The following MOCS3 variants were observed in gnomAD, a reference collection of about 807,000 sequenced individuals.
The protein encoded by MOCS3 is molybdenum cofactor synthesis 3, also known as adenylyltransferase and sulfurtransferase MOCS3.
MOCS3 carries 9 observed loss-of-function variants against 8.4 expected under a neutral mutation model. That is an observed-to-expected ratio of 1.07 (90% CI 0.65 to 1.87). The LOEUF is 1.87. Among genes scored for constraint, MOCS3 ranks in the 40% most tolerant of loss-of-function variants. MOCS3 has a pLI of 0.00. For synonymous variants in MOCS3, 294 were observed against 272.0 expected, an observed-to-expected ratio of 1.08 and a Z score of -0.80; for missense variants, 581 against 599.7, an observed-to-expected ratio of 0.97 and a Z score of 0.33.
rs1987114323 is a variant in MOCS3 at position 50,962,110 on chromosome 20, C to G, written c.*1885C>G. On this transcript the variant is annotated 3_prime_UTR_variant, in exon 1 of 1. Coordinates refer to ENST00000244051, the MANE Select transcript of MOCS3 (RefSeq NM_014484.5). Reference sequence around the variant, plus strand: ...CTTTTGAGAATTTTGGGGACAGATTCAAGGCTGTACTTCTAGGAATGATGC... The same window carrying G: ...CTTTTGAGAATTTTGGGGACAGATTGAAGGCTGTACTTCTAGGAATGATGC... 1 of 152,164 alleles carries G rather than the reference C, an allele frequency of 6.6e-6. No homozygotes were observed. The highest frequency in any genetic ancestry group is 2.1e-4 in the South Asian group (1 of 4,828). 9.4% of individuals were successfully genotyped at this position (152,164 alleles called of 1,614,324 possible).
Position 50,958,866 on chromosome 20 carries a change from C to T in MOCS3, c.24C>T (p.Leu8=), listed in dbSNP as rs36031303. 1.3e-6 allele frequency: 2 copies of T among 1,595,926 alleles called. No homozygotes were observed. Among genetic ancestry groups the T allele is most frequent in the South Asian group, 1.1e-5 (1 of 90,584 alleles). Residue 8 remains leucine, a synonymous_variant, in exon 1 of 1, where the codon CTC becomes CTT. Transcript: ENST00000244051. MASREEV[L]ALQAEVAQRE... ...CCATGGCTTCCCGGGAGGAGGTACT[C>T]GCCTTACAAGCTGAAGTTGCCCAAC...
rs577671892 is a variant in MOCS3 at position 50,963,717 on chromosome 20, T to G, written c.*3492T>G. 1.3e-5 allele frequency: 2 copies of G among 152,304 alleles called. No individual in the cohort carries two copies. Among genetic ancestry groups the G allele is most frequent in the South Asian group, 4.1e-4 (2 of 4,832 alleles). 9.4% of individuals were successfully genotyped at this position (152,304 alleles called of 1,614,324 possible). ...TTGGTTTTTATTCTAAATACAATAA[T>G]AGCTAATATTTTGAGCACTTACTGT... On this transcript the variant is annotated 3_prime_UTR_variant, in exon 1 of 1. Transcript: ENST00000244051.
Position 50,959,995 on chromosome 20 carries a change from A to G in MOCS3, c.1153A>G (p.Ser385Gly). ...LKHLERRDAE[S>G]LKLLKEAIWE... ...ACATTTGGAACGCAGGGATGCGGAGAGCCTGAAACTCTTAAAAGAAGCAAT... is the reference window on the plus strand; with the variant it reads ...ACATTTGGAACGCAGGGATGCGGAGGGCCTGAAACTCTTAAAAGAAGCAAT... Residue 385 changes from serine to glycine, a missense_variant, in exon 1 of 1, where the codon AGC (serine) becomes GGC (glycine). Transcript: ENST00000244051. 1 of 1,614,254 alleles carries G rather than the reference A, an allele frequency of 6.2e-7. No individual in the cohort carries two copies. Among genetic ancestry groups the G allele is most frequent in the Non-Finnish European group, 8.5e-7 (1 of 1,180,044 alleles).
chr20:50,959,112 C>T lies in MOCS3; in HGVS notation c.270C>T (p.Cys90=), dbSNP rs1023982741. The change falls in exon 1 of 1, where the codon TGC becomes TGT. Residue 90 remains cysteine (C), a synonymous_variant. Coordinates refer to ENST00000244051, the MANE Select transcript of MOCS3 (RefSeq NM_014484.5). ...CCGCGTGCGTGCTAATCGTGGGCTG[C>T]GGTGGGCTCGGCTGTCCACTAGCGC... The part of the protein sequence containing the change: ...LGTACVLIVG[C]GGLGCPLAQY... 1 of 1,613,068 alleles carries T rather than the reference C, an allele frequency of 6.2e-7. No homozygotes were observed. The highest frequency in any genetic ancestry group is 2.2e-5 in the East Asian group (1 of 44,876).
At position 50,960,058 on chromosome 20, in the gene MOCS3, G is replaced by A. The variant is rs548242327; in HGVS notation, c.1216G>A (p.Val406Ile). The change falls in exon 1 of 1, where the codon GTC becomes ATC. Residue 406 changes from valine to isoleucine, a missense_variant. Physicochemically the swap from Val to Ile is conservative, Grantham distance 29. Transcript: ENST00000244051. ...GCAGGGCACACAAGAAGGGGCTGCT[G>A]TCCCCATTTATGTGATTTGCAAACT... ...EKQGTQEGAA[V>I]PIYVICKLGN... The A allele has an allele frequency of 6.2e-7, 1 of 1,614,252 alleles. No homozygotes were observed. The highest frequency in any genetic ancestry group is 2.2e-5 in the East Asian group (1 of 44,888).
chr20:50,963,448 T>C lies in MOCS3; in HGVS notation c.*3223T>C, dbSNP rs1428414680. 6.6e-6 allele frequency: 1 copy of C among 152,188 alleles called. No homozygotes were observed. Among genetic ancestry groups the C allele is most frequent in the African/African-American group, 2.4e-5 (1 of 41,444 alleles). The allele number at this position is 152,188 out of a possible 1,614,324, so 9.4% of individuals were successfully genotyped here. ...GGATCTGTTTTGAATAGCTTAATTA[T>C]GGAAGGCCTCAGAGATGACATTAAA... On this transcript the variant is annotated 3_prime_UTR_variant, in exon 1 of 1. Transcript: ENST00000244051.
rs150439864 is a variant in MOCS3 at position 50,960,083 on chromosome 20, T to G, written c.1241T>G (p.Leu414Arg). 6.2e-7 allele frequency: 1 copy of G among 1,614,240 alleles called. No individual in the cohort carries two copies. The highest frequency in any genetic ancestry group is 2.2e-5 in the East Asian group (1 of 44,886). The change falls in exon 1 of 1, where the codon CTG becomes CGG. Residue 414 changes from leucine to arginine, a missense_variant. Leu to Arg is a moderately radical substitution (Grantham distance 102, BLOSUM62 -2). Coordinates refer to ENST00000244051, the MANE Select transcript of MOCS3 (RefSeq NM_014484.5). ...GTCCCCATTTATGTGATTTGCAAACTGGGAAATGACTCACAGAAAGCCGTG... is the reference window on the plus strand; with the variant it reads ...GTCCCCATTTATGTGATTTGCAAACGGGGAAATGACTCACAGAAAGCCGTG... Reference protein sequence around the residue: ...AAVPIYVICKLGNDSQKAVKI... With the variant: ...AAVPIYVICKRGNDSQKAVKI...
In MOCS3 at chr20:50,961,892, T is replaced by C. The variant is rs1177442922; in HGVS notation, c.*1667T>C. 6.6e-6 allele frequency: 1 copy of C among 152,202 alleles called. No homozygotes were observed. Among genetic ancestry groups the C allele is most frequent in the African/African-American group, 2.4e-5 (1 of 41,450 alleles). 9.4% of individuals were successfully genotyped at this position (152,202 alleles called of 1,614,324 possible). A position where few individuals can be genotyped will look rare whatever the true frequency, so the allele number is the denominator to read the frequency against. On this transcript the variant is annotated 3_prime_UTR_variant, in exon 1 of 1. Transcript: ENST00000244051. ...GGCTGGCCTGTGTTTTTCATCTCCT[T>C]CTTCCAGGGACAACTGATTCTGATA...
rs112652998 is a variant in MOCS3, at chr20:50,960,888, C to G, written c.*663C>G. On this transcript the variant is annotated 3_prime_UTR_variant, in exon 1 of 1. Coordinates refer to ENST00000244051, the MANE Select transcript of MOCS3 (RefSeq NM_014484.5). Reference sequence around the variant, plus strand: ...CCTCCTGAGTAGCTGGGATTACAGGCGCACGCCACCACGCCTGGCTAATTT... The same window carrying G: ...CCTCCTGAGTAGCTGGGATTACAGGGGCACGCCACCACGCCTGGCTAATTT... 2 of 154,178 alleles carry G rather than the reference C, an allele frequency of 1.3e-5. 1 individual carries two copies. Among genetic ancestry groups the G allele is most frequent in the Non-Finnish European group, 2.9e-5 (2 of 68,090 alleles). The allele number at this position is 154,178 out of a possible 1,614,324, so 9.6% of individuals were successfully genotyped here.
At position 50,960,309 on chromosome 20, in the gene MOCS3, C is replaced by T. The variant is rs1987074821; in HGVS notation, c.*84C>T. 2 of 1,392,220 alleles carry T rather than the reference C, an allele frequency of 1.4e-6. No individual in the cohort carries two copies. The highest frequency in any genetic ancestry group is 4.8e-5 in the East Asian group (2 of 41,608). 86.2% of individuals were successfully genotyped at this position (1,392,220 alleles called of 1,614,324 possible). The stretch of plus-strand genomic sequence containing the variant: ...CTTGTTTGCATTTTTCGGTAATATA[C>T]ATAGGAGCTGGGGATTCTACAGTAT... On this transcript the variant is annotated 3_prime_UTR_variant, in exon 1 of 1. Coordinates refer to ENST00000244051, the MANE Select transcript of MOCS3 (RefSeq NM_014484.5).
In MOCS3 at chr20:50,961,113, C is replaced by T. The variant is rs1987095898; in HGVS notation, c.*888C>T. 1 of 167,094 alleles carries T rather than the reference C, an allele frequency of 6.0e-6. No homozygotes were observed. Among genetic ancestry groups the T allele is most frequent in the African/African-American group, 2.4e-5 (1 of 41,456 alleles). 10.4% of individuals were successfully genotyped at this position (167,094 alleles called of 1,614,324 possible). A position where few individuals can be genotyped will look rare whatever the true frequency, so the allele number is the denominator to read the frequency against. On this transcript the variant is annotated 3_prime_UTR_variant, in exon 1 of 1. Transcript: ENST00000244051. ...TGTCAGTGTCTCTTATAAATTGCTA[C>T]TGTTTTCTTAAAGTTAACTTCAGGG...
In MOCS3 at chr20:50,961,994, T is replaced by C. The variant is rs1353720646; in HGVS notation, c.*1769T>C. ...CTGAAGTCCTAAAGTTATAGACAGT[T>C]GTAGTTCCTATAAACCTGGTTGTCA... is the stretch of plus-strand genomic sequence containing the variant. On this transcript the variant is annotated 3_prime_UTR_variant, in exon 1 of 1. Coordinates refer to ENST00000244051, the MANE Select transcript of MOCS3 (RefSeq NM_014484.5). The C allele has an allele frequency of 1.3e-5, 2 of 152,218 alleles. No homozygotes were observed. Among genetic ancestry groups the C allele is most frequent in the Non-Finnish European group, 2.9e-5 (2 of 68,032 alleles). The allele number at this position is 152,218 out of a possible 1,614,324, so 9.4% of individuals were successfully genotyped here. A position where few individuals can be genotyped will look rare whatever the true frequency, so the allele number is the denominator to read the frequency against.
chr20:50,960,771 T>G lies in MOCS3; in HGVS notation c.*546T>G, dbSNP rs1046203882. ...TTTTTTTTTTTTTTTTGAGATGGAATCTCTCTCTGTTGCCCAGGCTGGAGT... is the reference window on the plus strand; with the variant it reads ...TTTTTTTTTTTTTTTTGAGATGGAAGCTCTCTCTGTTGCCCAGGCTGGAGT... On this transcript the variant is annotated 3_prime_UTR_variant, in exon 1 of 1. Transcript: ENST00000244051. The G allele has an allele frequency of 6.3e-6, 1 of 159,050 alleles. No individual in the cohort carries two copies. Among genetic ancestry groups the G allele is most frequent in the African/African-American group, 2.4e-5 (1 of 40,982 alleles). 9.9% of individuals were successfully genotyped at this position (159,050 alleles called of 1,614,324 possible). A position where few individuals can be genotyped will look rare whatever the true frequency, so the allele number is the denominator to read the frequency against.
Position 50,959,415 on chromosome 20 carries a change from C to G in MOCS3, c.573C>G (p.Asp191Glu). ...TGCCCACTCGCTACCTGGTTAATGA[C>G]GCATGTGTGCTGGCGGGTCGGCCCC... ...DNVPTRYLVN[D>E]ACVLAGRPLV... Residue 191 changes from aspartate to glutamate, a missense_variant, in exon 1 of 1, where the codon GAC becomes GAG. Transcript: ENST00000244051. 2 of 1,613,956 alleles carry G rather than the reference C, an allele frequency of 1.2e-6. No individual in the cohort carries two copies. Among genetic ancestry groups the G allele is most frequent in the Non-Finnish European group, 1.7e-6 (2 of 1,180,028 alleles).
rs1012994416 is a variant in MOCS3, at chr20:50,960,089, A to G, written c.1247A>G (p.Asn416Ser). ...ATTTATGTGATTTGCAAACTGGGAAATGACTCACAGAAAGCCGTGAAGATC... is the reference window on the plus strand; with the variant it reads ...ATTTATGTGATTTGCAAACTGGGAAGTGACTCACAGAAAGCCGTGAAGATC... Reference protein sequence around the residue: ...VPIYVICKLGNDSQKAVKILQ... With the variant: ...VPIYVICKLGSDSQKAVKILQ... The change falls in exon 1 of 1, where the codon AAT becomes AGT. Residue 416 changes from asparagine (N) to serine (S), a missense_variant. By Grantham distance (46) the Asn-to-Ser change is conservative. Coordinates refer to ENST00000244051, the MANE Select transcript of MOCS3 (RefSeq NM_014484.5). 5 of 1,614,166 alleles carry G rather than the reference A, an allele frequency of 3.1e-6. No homozygotes were observed. Among genetic ancestry groups the G allele is most frequent in the Non-Finnish European group, 4.2e-6 (5 of 1,180,066 alleles).
rs1312840109 is a variant in MOCS3, at chr20:50,963,653, G to A, written c.*3428G>A. The A allele has an allele frequency of 1.3e-5, 2 of 152,252 alleles. No individual in the cohort carries two copies. Among genetic ancestry groups the A allele is most frequent in the Non-Finnish European group, 2.9e-5 (2 of 68,038 alleles). 9.4% of individuals were successfully genotyped at this position (152,252 alleles called of 1,614,324 possible). On this transcript the variant is annotated 3_prime_UTR_variant, in exon 1 of 1. Coordinates refer to ENST00000244051, the MANE Select transcript of MOCS3 (RefSeq NM_014484.5). ...GAGAGTGGGACAGGGTGAGGTTTGA[G>A]AAGCAGGGAACATCATAAACTTTGT...
rs780139370 is a variant in MOCS3 at position 50,959,055 on chromosome 20, G to C, written c.213G>C (p.Glu71Asp). 3 of 1,613,050 alleles carry C rather than the reference G, an allele frequency of 1.9e-6. No homozygotes were observed. The South Asian group carries it at 3.3e-5, about 18-fold the overall frequency. Residue 71 changes from glutamate to aspartate, a missense_variant, in exon 1 of 1, where the codon GAG becomes GAC. Coordinates refer to ENST00000244051, the MANE Select transcript of MOCS3 (RefSeq NM_014484.5). The stretch of plus-strand genomic sequence containing the variant: ...ATAGCCGGCAGCTAGTGCTGCCCGA[G>C]CTGGGCGTGCACGGACAGCTGCGCC... ...LRYSRQLVLP[E>D]LGVHGQLRLG...
In MOCS3 at chr20:50,959,354, G is replaced by A. The variant is rs747860925; in HGVS notation, c.512G>A (p.Arg171His). 2.5e-6 allele frequency: 4 copies of A among 1,610,796 alleles called. No individual in the cohort carries two copies. The highest frequency in any genetic ancestry group is 2.7e-5 in the African/African-American group (2 of 74,888). ...LTPATALDLV[R>H]RYDVVADCSD... Reference sequence around the variant, plus strand: ...CCAGCCACTGCCCTAGACCTGGTCCGCCGATATGATGTGGTGGCTGACTGC... The same window carrying A: ...CCAGCCACTGCCCTAGACCTGGTCCACCGATATGATGTGGTGGCTGACTGC... The change falls in exon 1 of 1, where the codon CGC becomes CAC. Residue 171 changes from arginine (R) to histidine (H), a missense_variant. Physicochemically the swap from Arg to His is conservative, Grantham distance 29. Transcript: ENST00000244051.
At position 50,959,310 on chromosome 20, in the gene MOCS3, G is replaced by C. The variant is rs755214768; in HGVS notation, c.468G>C (p.Pro156=). 6.2e-7 allele frequency: 1 copy of C among 1,610,258 alleles called. No individual in the cohort carries two copies. Among genetic ancestry groups the C allele is most frequent in the Non-Finnish European group, 8.5e-7 (1 of 1,179,366 alleles). ...RRLNSAVECV[P]YTQALTPATA... Reference sequence around the variant, plus strand: ...TCAATTCGGCAGTGGAATGCGTGCCGTACACTCAGGCCCTTACGCCAGCCA... The same window carrying C: ...TCAATTCGGCAGTGGAATGCGTGCCCTACACTCAGGCCCTTACGCCAGCCA... The change falls in exon 1 of 1, where the codon CCG becomes CCC. Residue 156 remains proline, a synonymous_variant. Coordinates refer to ENST00000244051, the MANE Select transcript of MOCS3 (RefSeq NM_014484.5).
Sources: gnomAD v4.1 joint callset for allele counts on GRCh38, gnomAD v4.1.1 for gene constraint, MANE v1.5 for transcripts, NCBI Gene and HGNC (gene_info 2026-07-23, HGNC 2026-07-21) for gene names.